SETBP1: variants seen among roughly 807,000 people sequenced by gnomAD.
SETBP1 encodes the protein SET-binding protein.
In SETBP1, 9 loss-of-function variants were observed where a neutral mutation model predicts 101.0. That is an observed-to-expected ratio of 0.09 (90% confidence interval 0.05 to 0.16). SETBP1 has a LOEUF of 0.16. SETBP1 is among the 10% of genes least tolerant of loss of function. The probability of loss-of-function intolerance (pLI) is 1.00; values close to 1 mark genes in which losing one functional copy is unlikely to be tolerated. For missense variants in SETBP1, 1,858 were observed against 2,033.8 expected, an observed-to-expected ratio of 0.91 and a Z score of 1.66; for synonymous variants, 818 against 788.5, an observed-to-expected ratio of 1.04 and a Z score of -0.63.
rs1479017578 is a variant in SETBP1, at chr18:44,720,910, C to CGA, written c.486+19078_486+19079insGA. 4.6e-5 allele frequency among the ~76,000 whole-genome samples: 6 copies of CGA among 131,342 alleles called. No homozygotes were observed. The East Asian group carries it at 9.6e-4, about 21-fold the overall frequency. 86.2% of individuals were successfully genotyped at this position (131,342 alleles called of 152,430 possible). ...GCAATGGAGCCCTCCAACCCCCACC[C>CGA]CCCACCCCAACCCCTTGGGGAGAAG... On this transcript the variant is annotated intron_variant, in intron 2 of 5. Transcript: ENST00000649279.
In SETBP1 at chr18:44,950,862, A is replaced by T; in HGVS notation, c.1522A>T (p.Thr508Ser). The T allele has an allele frequency of 6.2e-7, 1 of 1,614,162 alleles. No individual in the cohort carries two copies. The highest frequency in any genetic ancestry group is 1.3e-5 in the African/African-American group (1 of 75,022). ...GCCACCCATGGTCATGACACCTCCA[A>T]CGTGCACAGATCACTCTCCATCCAG... ...RKPPMVMTPP[T>S]CTDHSPSRKL... The change falls in exon 4 of 6, where the codon ACG becomes TCG. Residue 508 changes from threonine to serine, a missense_variant. Around this residue, in one of 12 missense-constraint regions of SETBP1, gnomAD observed 581 missense variants for 535.1 expected, o/e 1.09. Coordinates refer to ENST00000649279, the MANE Select transcript of SETBP1 (RefSeq NM_015559.3).
chr18:44,727,817 A>T (rs115553654), intron 2 of SETBP1, among the ~76,000 whole-genome samples: 2,150 of 152,304 alleles, frequency 0.014, 48 homozygotes, highest in African/African-American at 0.049. Flanking sequence ...GGGTCAAAGT[A>T]ATCCAACAAG....
At chr18:44,788,137 T>A (rs1181514662) in intron 2 of SETBP1, among the ~76,000 whole-genome samples, 3 of 151,378 alleles carry the variant, frequency 2.0e-5, no homozygotes, top group African/African-American at 7.3e-5. Context: ...ATCCTCAGAG[T>A]GTAGAATCTT....
At chr18:44,817,654 C>T (rs867034062) in intron 2 of SETBP1, among the ~76,000 whole-genome samples, 1 of 147,356 alleles carries the variant, frequency 6.8e-6, no homozygotes, top group Admixed American at 6.8e-5. Context: ...CATTGCACTC[C>T]AACCCAGGTG....
chr18:45,050,524 C>CA (rs2073704295), intron 5 of SETBP1, among the ~76,000 whole-genome samples: 2 of 152,194 alleles, frequency 1.3e-5, no homozygotes, highest in Non-Finnish European at 2.9e-5. Flanking sequence ...CACTCTTCCC[C>CA]AGGAATTATG....
chr18:44,765,680 T>C (rs2070751735), intron 2 of SETBP1, among the ~76,000 whole-genome samples: 1 of 152,194 alleles, frequency 6.6e-6, no homozygotes, highest in Non-Finnish European at 1.5e-5. Context: ...TAAGCAGTAA[T>C]AGCTGTGAGG....
Position 45,067,382 on chromosome 18 carries a change from T to G in SETBP1, c.*3684T>G, listed in dbSNP as rs2073982226. ...TTGGAGAATATCTTTTTCCTATCAC[T>G]AGAAAGATTTACCTGGGAACTGTCT... is the stretch of plus-strand genomic sequence containing the variant. On this transcript the variant is annotated 3_prime_UTR_variant, in exon 6 of 6. Transcript: ENST00000649279. 1 of 152,158 alleles carries G rather than the reference T, an allele frequency of 6.6e-6. No homozygotes were observed. Among genetic ancestry groups the G allele is most frequent in the Non-Finnish European group, 1.5e-5 (1 of 68,030 alleles). 9.4% of individuals were successfully genotyped at this position (152,158 alleles called of 1,614,324 possible).
chr18:44,982,453 A>T (rs2072135765), intron 4 of SETBP1, among the ~76,000 whole-genome samples: 1 of 152,182 alleles, frequency 6.6e-6, no homozygotes, highest in Non-Finnish European at 1.5e-5. Flanking sequence ...CTCTTTTTAA[A>T]TTTATGGCTC....
At chr18:44,975,064 G>A (rs2071956499) in intron 4 of SETBP1, among the ~76,000 whole-genome samples, 1 of 152,124 alleles carries the variant, frequency 6.6e-6, no homozygotes, top group Non-Finnish European at 1.5e-5. Flanking sequence ...GCCACACAAG[G>A]TGTGTAAAGA....
intron 2 of SETBP1, among the ~76,000 whole-genome samples, chr18:44,734,265 G>C (rs904271599): frequency 6.6e-6 from 1 of 152,116 alleles, no homozygotes; most frequent in African/African-American, 2.4e-5. Flanking sequence ...AGTGTATCTG[G>C]ATTTGTCATT....
intron 4 of SETBP1, among the ~76,000 whole-genome samples, chr18:45,015,502 T>C (rs1433957154): frequency 6.6e-6 from 1 of 152,294 alleles, no homozygotes; most frequent in East Asian, 1.9e-4. Flanking sequence ...ACAACAGACA[T>C]GCACCTGCCT....
intron 4 of SETBP1, among the ~76,000 whole-genome samples, chr18:45,006,351 G>T (rs949089337): frequency 1.3e-5 from 2 of 152,054 alleles, no homozygotes; most frequent in African/African-American, 4.8e-5. Context: ...TTCCTTGTAG[G>T]TTCGTTCAGA....
intron 4 of SETBP1, among the ~76,000 whole-genome samples, chr18:44,991,897 T>C (rs1198376156): frequency 1.3e-5 from 2 of 152,198 alleles, no homozygotes; most frequent in Non-Finnish European, 2.9e-5. Flanking sequence ...AGAGCATGCC[T>C]AACAAATTTC....
rs533597110 is a variant in SETBP1 at position 44,720,503 on chromosome 18, A to T, written c.486+18671A>T. On this transcript the variant is annotated intron_variant, in intron 2 of 5. Transcript: ENST00000649279. Reference sequence around the variant, plus strand: ...GAATGAAGAGAGGAACCACATGGGCACTTGAGCAGGTGACAGGATGCAGAG... The same window carrying T: ...GAATGAAGAGAGGAACCACATGGGCTCTTGAGCAGGTGACAGGATGCAGAG... 2.0e-5 allele frequency among the ~76,000 whole-genome samples: 3 copies of T among 152,374 alleles called. 1 individual carries two copies. The South Asian group carries it at 6.2e-4, about 32-fold the overall frequency.
chr18:44,844,041 G>T (rs2072673657), intron 2 of SETBP1, among the ~76,000 whole-genome samples: 1 of 151,938 alleles, frequency 6.6e-6, no homozygotes, highest in Non-Finnish European at 1.5e-5. Flanking sequence ...TTTCACTCCT[G>T]TCATTTTTTT....
At chr18:44,812,221 C>T (rs1168811232) in intron 2 of SETBP1, among the ~76,000 whole-genome samples, 1 of 152,006 alleles carries the variant, frequency 6.6e-6, no homozygotes, top group African/African-American at 2.4e-5. Flanking sequence ...CCCACTTGTC[C>T]CCCACCGCCA....
At chr18:44,963,346 G>C (rs1487283415) in intron 4 of SETBP1, among the ~76,000 whole-genome samples, 1 of 152,098 alleles carries the variant, frequency 6.6e-6, no homozygotes, top group Non-Finnish European at 1.5e-5. Context: ...TTGGAACTGG[G>C]GTTAGCCAAG....
At chr18:44,978,003 C>T (rs2072027907) in intron 4 of SETBP1, among the ~76,000 whole-genome samples, 1 of 152,172 alleles carries the variant, frequency 6.6e-6, no homozygotes, top group African/African-American at 2.4e-5. Flanking sequence ...ATTCTTGAAT[C>T]TGAGATAACT....
intron 2 of SETBP1, among the ~76,000 whole-genome samples, chr18:44,866,745 G>T (rs141971957): frequency 2.6e-5 from 4 of 152,222 alleles, no homozygotes; most frequent in Non-Finnish European, 5.9e-5. Flanking sequence ...TTTATTTTCC[G>T]TCCTTTCCAG....
Sources: allele counts gnomAD v4.1 joint callset (sites outside exome capture counted in the v4.1 genomes callset), GRCh38; gene constraint gnomAD v4.1.1; regional missense constraint gnomAD v4.1.1; transcripts MANE v1.5; gene names NCBI Gene and HGNC (gene_info 2026-07-23, HGNC 2026-07-21).